Variants in SYN2 observed in about 807,000 individuals in gnomAD.
SYN2 encodes the protein synapsin-2.
SYN2 carries 19 observed loss-of-function variants against 50.9 expected under a neutral mutation model. That is an observed-to-expected ratio of 0.37 (90% CI 0.26 to 0.55). The LOEUF is 0.55. Among genes scored for constraint, SYN2 ranks in the 20% least tolerant of loss-of-function variants. SYN2 has a pLI of 0.81. For missense variants in SYN2, 587 were observed against 576.4 expected (o/e 1.02, Z -0.19); for synonymous variants, 255 against 224.9 (o/e 1.13, Z -1.20).
chr3:12,159,244 G>A, intron 5 of SYN2: 1 of 188,792 alleles, frequency 5.3e-6, no homozygotes, highest in Non-Finnish European at 1.1e-5. Context: ...ACAAGAGTGA[G>A]GAGAGGCACA....
intron 9 of SYN2, 97 bp from the exon 10 acceptor site, chr3:12,169,660 A>G (rs1485234915): frequency 2.2e-6 from 3 of 1,389,558 alleles, no homozygotes; most frequent in Non-Finnish European, 3.0e-6. Context: ...TCTCCAGTCC[A>G]TCTCTGCTGG....
At chr3:12,011,109 A>G (rs1032971783) in intron 1 of SYN2, among the ~76,000 whole-genome samples, 2 of 152,240 alleles carry the variant, frequency 1.3e-5, no homozygotes, top group African/African-American at 4.8e-5. Flanking sequence ...GCATTTAACC[A>G]TGACTTCACT....
chr3:12,159,840 C>T (rs1478962755), intron 5 of SYN2, among the ~76,000 whole-genome samples: 2 of 151,730 alleles, frequency 1.3e-5, no homozygotes, highest in African/African-American at 2.4e-5. Context: ...GTCAGGAGTT[C>T]GAGATCACCC....
Position 12,168,451 on chromosome 3 carries a change from C to A in SYN2, c.1131C>A (p.Gly377=). Residue 377 remains glycine, a synonymous_variant, in exon 9 of 13, where the codon GGC becomes GGA. Coordinates refer to ENST00000621198, the MANE Select transcript of SYN2 (RefSeq NM_133625.6). ...LDICAVKAVH[G]KDGKDYIFEV... ...TCTGTGCTGTCAAAGCTGTACATGGCAAAGATGGGAAAGACTACATTTTTG... is the reference window on the plus strand; with the variant it reads ...TCTGTGCTGTCAAAGCTGTACATGGAAAAGATGGGAAAGACTACATTTTTG... The A allele has an allele frequency of 6.2e-7, 1 of 1,613,874 alleles. No individual in the cohort carries two copies. Among genetic ancestry groups the A allele is most frequent in the Non-Finnish European group, 8.5e-7 (1 of 1,179,880 alleles).
Position 12,141,921 on chromosome 3 carries a change from T to A in SYN2, c.452T>A (p.Leu151His). Residue 151 changes from leucine (L) to histidine (H), a missense_variant, in exon 3 of 13, where the codon CTC becomes CAC. Physicochemically the swap from Leu to His is moderately conservative, Grantham distance 99. Transcript: ENST00000621198. ...IKVEQAEFSE[L>H]NLVAHADGTY... Reference sequence around the variant, plus strand: ...ATTTTCCAGGCAGAATTTTCAGAGCTCAACCTGGTGGCCCATGCAGATGGC... The same window carrying A: ...ATTTTCCAGGCAGAATTTTCAGAGCACAACCTGGTGGCCCATGCAGATGGC... 1 of 780,842 alleles carries A rather than the reference T, an allele frequency of 1.3e-6. No homozygotes were observed. Among genetic ancestry groups the A allele is most frequent in the Non-Finnish European group, 2.4e-6 (1 of 417,944 alleles). 48.4% of individuals were successfully genotyped at this position (780,842 alleles called of 1,614,324 possible).
intron 1 of SYN2, among the ~76,000 whole-genome samples, chr3:12,035,874 G>A (rs1694487875): frequency 1.3e-5 from 2 of 152,164 alleles, no homozygotes; most frequent in African/African-American, 4.8e-5. Flanking sequence ...CATGCAAGAG[G>A]ATGGCATTTT....
At chr3:12,159,183 G>A (rs1160915676) in intron 5 of SYN2, 1 of 300,852 alleles carries the variant, frequency 3.3e-6, no homozygotes, top group Admixed American at 4.9e-5. Flanking sequence ...GAGCCACAAA[G>A]ACAAATGCAT....
intron 1 of SYN2, among the ~76,000 whole-genome samples, chr3:12,079,240 A>C (rs987027877): frequency 6.6e-6 from 1 of 152,190 alleles, no homozygotes; most frequent in Non-Finnish European, 1.5e-5. Context: ...GGATCATGTC[A>C]TCTGTAAACA....
chr3:12,140,092 CCTT>C (rs1355185328), intron 1 of SYN2, among the ~76,000 whole-genome samples: 1 of 152,182 alleles, frequency 6.6e-6, no homozygotes, highest in African/African-American at 2.4e-5. Flanking sequence ...TTTCCCGCTA[CCTT>C]CTATTTTGGT....
In SYN2 at chr3:12,187,489, C is replaced by T. The variant is rs892945631; in HGVS notation, c.1490C>T (p.Ala497Val). The part of the protein sequence containing the change: ...SSSSSSSSSS[A>V]PQRPGGPTTH... ...TCCTCCTCTTCTTCCTCCTCCTCGG[C>T]TCCTCAGCGGCCGGGCGGCCCCACC... Residue 497 changes from alanine to valine, a missense_variant, in exon 12 of 13, where the codon GCT becomes GTT. Physicochemically the swap from Ala to Val is moderately conservative, Grantham distance 64. Coordinates refer to ENST00000621198, the MANE Select transcript of SYN2 (RefSeq NM_133625.6). 1 of 1,554,578 alleles carries T rather than the reference C, an allele frequency of 6.4e-7. No homozygotes were observed. The highest frequency in any genetic ancestry group is 8.7e-7 in the Non-Finnish European group (1 of 1,148,228).
At chr3:12,112,168 C>T (rs533508838) in intron 1 of SYN2, among the ~76,000 whole-genome samples, 27 of 152,210 alleles carry the variant, frequency 1.8e-4, no homozygotes, top group Admixed American at 1.6e-3. Context: ...GAAGAGCCTT[C>T]TGCTTGGGAT....
intron 5 of SYN2, chr3:12,156,904 C>A: frequency 3.7e-6 from 6 of 1,614,136 alleles, no homozygotes; most frequent in Non-Finnish European, 5.1e-6. Flanking sequence ...ATATACTGAA[C>A]ATCCTTGACT....
chr3:12,143,648 ATGG>A (rs976226659), intron 3 of SYN2, among the ~76,000 whole-genome samples: 3 of 152,084 alleles, frequency 2.0e-5, no homozygotes, highest in Admixed American at 2.0e-4. Context: ...GTTGTATTCC[ATGG>A]TGTATGCTAT....
chr3:12,070,740 C>T, intron 1 of SYN2: 2 of 809,942 alleles, frequency 2.5e-6, no homozygotes, highest in South Asian at 2.8e-5. Flanking sequence ...TCTACGAGGC[C>T]TAAGCCCTCC....
rs975287756 is a variant in SYN2, at chr3:12,060,251, G to C, written c.377+55323G>C. Reference sequence around the variant, plus strand: ...AGATTTTACTTTTAGGAACCCCACAGGTTTGTACAGTGTAGAGCCAAGAAA... The same window carrying C: ...AGATTTTACTTTTAGGAACCCCACACGTTTGTACAGTGTAGAGCCAAGAAA... On this transcript the variant is annotated intron_variant, in intron 1 of 12. Transcript: ENST00000621198. Among the ~76,000 whole-genome samples, 6 of 152,138 alleles carry C rather than the reference G, an allele frequency of 3.9e-5. No individual in the cohort carries two copies. The East Asian group carries it at 1.2e-3, about 29-fold the overall frequency.
chr3:12,020,393 T>G, intron 1 of SYN2, among the ~76,000 whole-genome samples: 1 of 147,530 alleles, frequency 6.8e-6, no homozygotes, highest in Non-Finnish European at 1.5e-5. Flanking sequence ...CCCAGTTGAT[T>G]CCAGCTGTAG....
intron 1 of SYN2, among the ~76,000 whole-genome samples, chr3:12,041,545 A>C (rs975582944): frequency 6.6e-6 from 1 of 152,232 alleles, no homozygotes; most frequent in Non-Finnish European, 1.5e-5. Flanking sequence ...GCAGCTTTCC[A>C]GAAACTTCAG....
intron 1 of SYN2, among the ~76,000 whole-genome samples, chr3:12,012,085 T>C (rs1251964019): frequency 6.6e-6 from 1 of 152,168 alleles, no homozygotes; most frequent in African/African-American, 2.4e-5. Flanking sequence ...GTTGTTGTTA[T>C]TTAGTTGAGG....
intron 1 of SYN2, among the ~76,000 whole-genome samples, chr3:12,051,905 T>C (rs307560): frequency 0.89 from 135,307 of 152,284 alleles, 60,410 homozygotes; most frequent in East Asian, 0.97. Flanking sequence ...TTTTCAGAGG[T>C]TAGAAATCTT....
Sources: allele counts gnomAD v4.1 joint callset (sites outside exome capture counted in the v4.1 genomes callset), GRCh38; gene constraint gnomAD v4.1.1; transcripts MANE v1.5; gene names NCBI Gene and HGNC (gene_info 2026-07-23, HGNC 2026-07-21).